The following SGK3 variants were observed in gnomAD, a reference collection of about 807,000 sequenced individuals.
The protein encoded by SGK3 is serine/threonine-protein kinase Sgk3.
SGK3 carries 47 observed loss-of-function variants against 68.5 expected under a neutral mutation model. The observed-to-expected ratio is 0.69, with a 90% confidence interval of 0.54 to 0.87. The LOEUF (loss-of-function observed/expected upper bound fraction) is 0.87, where lower values mean the gene tolerates loss of function less well. Ranked by LOEUF, SGK3 falls within the 40% of genes least tolerant of loss-of-function variation. SGK3 has a pLI of 0.00. For missense variants in SGK3, 479 were observed against 575.5 expected (o/e 0.83, Z 1.72); for synonymous variants, 181 against 189.1 (o/e 0.96, Z 0.35).
intron 1 of SGK3, among the ~76,000 whole-genome samples, chr8:66,740,906 CAAAAAAA>C (rs899256897): frequency 2.3e-5 from 1 of 42,714 alleles, no homozygotes; most frequent in Non-Finnish European, 4.8e-5. Flanking sequence ...GACTCTGTCT[CAAAAAAA>C]AAAAAAAAAA....
chr8:66,745,463 A>G (rs755347783), intron 1 of SGK3, among the ~76,000 whole-genome samples: 1 of 151,930 alleles, frequency 6.6e-6, no homozygotes, highest in African/African-American at 2.4e-5. Flanking sequence ...AGTCCCAGCT[A>G]CTCGGGAGGC....
chr8:66,731,285 A>G (rs1032859807), intron 1 of SGK3, among the ~76,000 whole-genome samples: 1 of 152,094 alleles, frequency 6.6e-6, no homozygotes, highest in Admixed American at 6.6e-5. Context: ...ATAGATGTCT[A>G]TTAGGTTTAG....
chr8:66,785,469 G>A (rs1316669044), intron 1 of SGK3, among the ~76,000 whole-genome samples: 1 of 152,170 alleles, frequency 6.6e-6, no homozygotes, highest in Non-Finnish European at 1.5e-5. Context: ...CTTCAGCCCT[G>A]TTGACGTTTT....
chr8:66,790,926 C>G (rs1054070705), intron 1 of SGK3: 3 of 152,184 alleles, frequency 2.0e-5, no homozygotes, highest in African/African-American at 7.2e-5. Context: ...ATTTTTGAGG[C>G]TGTGTTTCCT....
At chr8:66,736,301 T>C (rs58653469) in intron 1 of SGK3, among the ~76,000 whole-genome samples, 20,108 of 152,036 alleles carry the variant, frequency 0.13, 2,522 homozygotes, top group African/African-American at 0.33. Context: ...CAAATAAATG[T>C]AGTACAGCAA....
At chr8:66,797,064 A>C (rs1807728541) in intron 2 of SGK3, among the ~76,000 whole-genome samples, 1 of 152,022 alleles carries the variant, frequency 6.6e-6, no homozygotes, top group Non-Finnish European at 1.5e-5. Context: ...TTAATTCATA[A>C]TTTTACAAGG....
intron 15 of SGK3, 93 bp from the exon 16 acceptor site, chr8:66,850,738 C>A: frequency 1.6e-6 from 2 of 1,238,220 alleles, no homozygotes; most frequent in Non-Finnish European, 1.1e-6. Context: ...TATTGAGGGG[C>A]AAAATAGTAA....
intron 1 of SGK3, chr8:66,767,392 GA>G (rs768122122): frequency 2.3e-4 from 285 of 1,261,234 alleles, no homozygotes; most frequent in Non-Finnish European, 3.3e-4. Flanking sequence ...AAAGCACTAA[GA>G]AATTTAAATA....
intron 1 of SGK3, among the ~76,000 whole-genome samples, chr8:66,774,917 C>G (rs1247027089): frequency 6.6e-6 from 1 of 152,186 alleles, no homozygotes; most frequent in Non-Finnish European, 1.5e-5. Context: ...TTAGCGGGAA[C>G]CTGGGGAGAG....
chr8:66,821,077 A>G (rs1468079569), intron 5 of SGK3, among the ~76,000 whole-genome samples: 2 of 152,144 alleles, frequency 1.3e-5, no homozygotes, highest in Non-Finnish European at 2.9e-5. Flanking sequence ...TTATTTGATT[A>G]AATAATTAAG....
At chr8:66,713,256 G>C (rs187860036) in intron 1 of SGK3, among the ~76,000 whole-genome samples, 88 of 152,294 alleles carry the variant, frequency 5.8e-4, no homozygotes, top group African/African-American at 2.1e-3. Context: ...ACCTTAATAC[G>C]TTGCGTCTTT....
chr8:66,829,131 G>A (rs1809193518), intron 7 of SGK3, among the ~76,000 whole-genome samples: 1 of 152,100 alleles, frequency 6.6e-6, no homozygotes, highest in African/African-American at 2.4e-5. Flanking sequence ...TTGTTAGCCA[G>A]CTTCTTCCAG....
At chr8:66,834,871 C>T (rs1304205683) in intron 8 of SGK3, among the ~76,000 whole-genome samples, 2 of 145,862 alleles carry the variant, frequency 1.4e-5, no homozygotes, top group Non-Finnish European at 1.5e-5. Flanking sequence ...ACCCGGGAGG[C>T]GGAGCTTGCA....
At chr8:66,736,313 T>G (rs1410094160) in intron 1 of SGK3, among the ~76,000 whole-genome samples, 2 of 152,186 alleles carry the variant, frequency 1.3e-5, no homozygotes, top group African/African-American at 4.8e-5. Flanking sequence ...GTACAGCAAT[T>G]ACTTACATAA....
At chr8:66,829,169 A>C (rs900503202) in intron 7 of SGK3, among the ~76,000 whole-genome samples, 39 of 152,106 alleles carry the variant, frequency 2.6e-4, no homozygotes, top group African/African-American at 8.7e-4. Flanking sequence ...TTAGCATATT[A>C]AAGGCTATTA....
intron 5 of SGK3, among the ~76,000 whole-genome samples, chr8:66,817,386 G>A (rs1204126893): frequency 3.3e-5 from 5 of 151,508 alleles, no homozygotes; most frequent in Admixed American, 6.6e-5. Flanking sequence ...AGCCAAGATC[G>A]TGCCACTGCA....
intron 5 of SGK3, among the ~76,000 whole-genome samples, chr8:66,820,436 T>C (rs2130664490): frequency 6.6e-6 from 1 of 152,358 alleles, no homozygotes; most frequent in East Asian, 1.9e-4. Flanking sequence ...CACCACATTT[T>C]GTTTATCCAT....
At position 66,748,980 on chromosome 8, in the gene SGK3, T is replaced by G. The variant is rs533636285; in HGVS notation, c.-122+36147T>G. Among the ~76,000 whole-genome samples, 37 of 152,228 alleles carry G rather than the reference T, an allele frequency of 2.4e-4. No homozygotes were observed. The South Asian group carries it at 7.0e-3, about 29-fold the overall frequency. ...CACTATCTTGACCCACTGCAACCTCTGCCTCCCAGGCTCAAGCGATCCTCC... is the reference window on the plus strand; with the variant it reads ...CACTATCTTGACCCACTGCAACCTCGGCCTCCCAGGCTCAAGCGATCCTCC... On this transcript the variant is annotated intron_variant, in intron 1 of 16. Transcript: ENST00000521198.
intron 1 of SGK3, among the ~76,000 whole-genome samples, chr8:66,728,081 A>C (rs1317126239): frequency 6.6e-6 from 1 of 152,116 alleles, no homozygotes; most frequent in African/African-American, 2.4e-5. Flanking sequence ...CATCACCACT[A>C]TCTAATTCCA....
Sources: allele counts gnomAD v4.1 joint callset (sites outside exome capture counted in the v4.1 genomes callset), GRCh38; gene constraint gnomAD v4.1.1; transcripts MANE v1.5; gene names NCBI Gene and HGNC (gene_info 2026-07-23, HGNC 2026-07-21).